The following CTIF variants were observed in gnomAD, a reference collection of about 807,000 sequenced individuals.
CTIF encodes CBP80/20-dependent translation initiation factor.
Under a neutral mutation model 66.0 loss-of-function variants are expected in CTIF, and 21 were observed. The observed-to-expected ratio is 0.32, with a 90% CI of 0.23 to 0.46. CTIF has a LOEUF of 0.46. Among genes scored for constraint, CTIF ranks in the 20% least tolerant of loss-of-function variants. The probability of loss-of-function intolerance (pLI) is 1.00; values close to 1 mark genes in which losing one functional copy is unlikely to be tolerated. For synonymous variants in CTIF, 345 were observed against 326.4 expected, an observed-to-expected ratio of 1.06 and a Z score of -0.62; for missense variants, 739 against 812.7, an observed-to-expected ratio of 0.91 and a Z score of 1.10.
intron 8 of CTIF, chr18:48,760,928 A>G (rs1908924729): frequency 6.3e-6 from 1 of 158,838 alleles, no homozygotes; most frequent in Non-Finnish European, 1.4e-5. Flanking sequence ...TGTAGGGGAC[A>G]AGGTGGCCAC....
chr18:48,727,573 G>T (rs2092396876), intron 7 of CTIF, among the ~76,000 whole-genome samples: 1 of 152,112 alleles, frequency 6.6e-6, no homozygotes, highest in African/African-American at 2.4e-5. Flanking sequence ...GGTCTTCTGT[G>T]ATCCTATTGA....
At chr18:48,600,319 T>A (rs1362418582) in intron 1 of CTIF, among the ~76,000 whole-genome samples, 1 of 152,092 alleles carries the variant, frequency 6.6e-6, no homozygotes, top group Non-Finnish European at 1.5e-5. Context: ...GCGGTGGCGA[T>A]GAGCTCCGAA....
At chr18:48,542,510 A>G (rs1028068538) in intron 1 of CTIF, among the ~76,000 whole-genome samples, 3 of 152,254 alleles carry the variant, frequency 2.0e-5, no homozygotes, top group African/African-American at 7.2e-5. Flanking sequence ...CTAGAAGTGC[A>G]TACAAAGAAA....
At chr18:48,723,416 C>T (rs1468258697) in intron 7 of CTIF, among the ~76,000 whole-genome samples, 1 of 152,208 alleles carries the variant, frequency 6.6e-6, no homozygotes, top group African/African-American at 2.4e-5. Flanking sequence ...CCCACCTTCT[C>T]CCCACCTGCA....
chr18:48,843,966 C>CT (rs1157748761), intron 10 of CTIF, among the ~76,000 whole-genome samples: 2 of 152,204 alleles, frequency 1.3e-5, no homozygotes, highest in Non-Finnish European at 1.5e-5. Flanking sequence ...TAACTCAGAT[C>CT]ATCTGGTAGA....
At chr18:48,834,535 A>T (rs1183489300) in intron 10 of CTIF, among the ~76,000 whole-genome samples, 2 of 152,202 alleles carry the variant, frequency 1.3e-5, no homozygotes, top group East Asian at 3.8e-4. Flanking sequence ...TTCAATGCAC[A>T]TTAAAGTTTG....
intron 6 of CTIF, among the ~76,000 whole-genome samples, chr18:48,674,122 A>G (rs2091585153): frequency 6.6e-6 from 1 of 152,258 alleles, no homozygotes; most frequent in African/African-American, 2.4e-5. Flanking sequence ...ATCTTCATGG[A>G]CAAGTGCTCT....
At chr18:48,846,424 A>C (rs1416422300) in intron 10 of CTIF, among the ~76,000 whole-genome samples, 1 of 152,108 alleles carries the variant, frequency 6.6e-6, no homozygotes, top group Admixed American at 6.6e-5. Flanking sequence ...CACCATAGAT[A>C]TTTCATAAAT....
chr18:48,618,363 C>T (rs1472315348), intron 1 of CTIF, among the ~76,000 whole-genome samples: 1 of 152,172 alleles, frequency 6.6e-6, no homozygotes, highest in Non-Finnish European at 1.5e-5. Context: ...CTTCTCTGTG[C>T]TTTCTTGTGG....
chr18:48,687,606 C>CA (rs1568136029), intron 6 of CTIF, among the ~76,000 whole-genome samples: 1 of 152,194 alleles, frequency 6.6e-6, no homozygotes, highest in East Asian at 1.9e-4. Context: ...AGCAAGCCTC[C>CA]AGAGCCCTGG....
intron 10 of CTIF, among the ~76,000 whole-genome samples, chr18:48,823,248 C>T (rs535295636): frequency 5.8e-4 from 88 of 151,420 alleles, no homozygotes; most frequent in African/African-American, 2.1e-3. Context: ...TCCAGACCAA[C>T]GTCAAGATGC....
In CTIF at chr18:48,561,816, C is replaced by A. The variant is rs192742999; in HGVS notation, c.-29+22504C>A. 2.2e-4 allele frequency among the ~76,000 whole-genome samples: 33 copies of A among 152,268 alleles called. No homozygotes were observed. In the East Asian group the frequency reaches 5.6e-3, roughly 26 times the overall value. On this transcript the variant is annotated intron_variant, in intron 1 of 11. Coordinates refer to ENST00000256413, the MANE Select transcript of CTIF (RefSeq NM_014772.3). ...GGCTTCCAGCTGTGTCAGATAATTA[C>A]CCCCACTCTATTTTTCTCATCGGTA...
intron 10 of CTIF, among the ~76,000 whole-genome samples, chr18:48,822,297 A>T (rs1255826178): frequency 6.6e-6 from 1 of 152,166 alleles, no homozygotes; most frequent in African/African-American, 2.4e-5. Context: ...CAGGTCAGGG[A>T]ATTTAGGATA....
At chr18:48,611,912 C>T (rs2090314466) in intron 1 of CTIF, among the ~76,000 whole-genome samples, 1 of 152,216 alleles carries the variant, frequency 6.6e-6, no homozygotes. Context: ...AGCTAACACC[C>T]TGTTGGATGT....
At chr18:48,592,709 T>C (rs1436925538) in intron 1 of CTIF, among the ~76,000 whole-genome samples, 1 of 152,144 alleles carries the variant, frequency 6.6e-6, no homozygotes, top group East Asian at 1.9e-4. Context: ...TGTTAACAGT[T>C]GGAGACTGTG....
intron 5 of CTIF, 96 bp downstream of exon 5, chr18:48,664,647 C>A: frequency 4.9e-6 from 5 of 1,029,448 alleles, no homozygotes; most frequent in Admixed American, 4.1e-5. Context: ...GCACAGGGGA[C>A]TCAGGTGGCT....
chr18:48,709,778 C>G (rs1164547901), intron 6 of CTIF, among the ~76,000 whole-genome samples: 1 of 152,206 alleles, frequency 6.6e-6, no homozygotes, highest in Non-Finnish European at 1.5e-5. Flanking sequence ...AAATAATATC[C>G]TTTGAGAAAA....
rs150655600 is a variant in CTIF, at chr18:48,543,582, C to T, written c.-29+4270C>T. On this transcript the variant is annotated intron_variant, in intron 1 of 11. Coordinates refer to ENST00000256413, the MANE Select transcript of CTIF (RefSeq NM_014772.3). ...TTAAGGCCAGAGCTGTGGTTCACAA[C>T]GGGGTGAGAACAGACACATCCTTGG... Among the ~76,000 whole-genome samples, 60 of 152,262 alleles carry T rather than the reference C, an allele frequency of 3.9e-4. 1 individual carries two copies. In the Middle Eastern group the frequency reaches 0.01, roughly 26 times the overall value.
At chr18:48,699,002 C>T (rs939370908) in intron 6 of CTIF, among the ~76,000 whole-genome samples, 3 of 152,174 alleles carry the variant, frequency 2.0e-5, no homozygotes, top group African/African-American at 7.2e-5. Flanking sequence ...CGAGGACCCA[C>T]GTTTCAACCC....
Sources: gnomAD v4.1 joint callset for allele counts (sites outside exome capture counted in the v4.1 genomes callset) on GRCh38, gnomAD v4.1.1 for gene constraint, MANE v1.5 for transcripts, NCBI Gene and HGNC (gene_info 2026-07-23, HGNC 2026-07-21) for gene names.